The following PGAP2 variants were observed in gnomAD, a reference collection of about 807,000 sequenced individuals.
The protein encoded by PGAP2 is acyltransferase PGAP2.
PGAP2 carries 21 observed loss-of-function variants against 33.2 expected under a neutral mutation model. The ratio of observed to expected loss-of-function variants is 0.63; its 90% CI spans 0.45 to 0.91. The LOEUF is 0.91. PGAP2 is among the 40% of genes least tolerant of loss of function. PGAP2 has a pLI of 0.00. For synonymous variants in PGAP2, 161 were observed against 172.9 expected (o/e 0.93, Z 0.54); for missense variants, 345 against 424.0 (o/e 0.81, Z 1.64).
rs1395614392 is a variant in PGAP2 at position 3,798,686 on chromosome 11, C to G, written c.139+704C>G. 5.0e-5 allele frequency among the ~76,000 whole-genome samples: 7 copies of G among 139,258 alleles called. 1 individual carries two copies. The highest frequency in any genetic ancestry group is 1.9e-4 in the African/African-American group (7 of 36,674). The allele number at this position is 139,258 out of a possible 152,430, so 91.4% of individuals were successfully genotyped here. A position where few individuals can be genotyped will look rare whatever the true frequency, so the allele number is the denominator to read the frequency against. ...GTCTTGCTCTGTCTCCTCTTTCTCC[C>G]AGGCTGGAGTGCAGTGGCACGATCT... On this transcript the variant is annotated intron_variant, in intron 1 of 6. Transcript: ENST00000300730.
intron 3 of PGAP2, chr11:3,823,654 T>C: frequency 6.5e-7 from 1 of 1,545,274 alleles, no homozygotes; most frequent in Non-Finnish European, 8.7e-7. Flanking sequence ...GGTGCCACCA[T>C]GCTGCTGCAC....
upstream of PGAP2, among the ~76,000 whole-genome samples, chr11:3,807,309 GT>G (rs200578138): frequency 0.59 from 67,146 of 114,580 alleles, 21,487 homozygotes; most frequent in East Asian, 0.79. Flanking sequence ...ATTTTCACAG[GT>G]TTTTTTTTTT....
chr11:3,808,225 G>A, upstream of PGAP2: 3 of 1,530,896 alleles, frequency 2.0e-6, no homozygotes, highest in East Asian at 4.9e-5. Context: ...GGAGGTGCGA[G>A]GCAGGAGAGA....
chr11:3,800,413 G>C (rs1238068287), intron 1 of PGAP2, among the ~76,000 whole-genome samples: 1 of 152,210 alleles, frequency 6.6e-6, no homozygotes, highest in African/African-American at 2.4e-5. Flanking sequence ...ATTAGTAGAG[G>C]TGTTGGACTT....
intron 2 of PGAP2, among the ~76,000 whole-genome samples, chr11:3,815,394 C>T (rs925888031): frequency 6.6e-5 from 10 of 151,460 alleles, no homozygotes; most frequent in African/African-American, 9.7e-5. Flanking sequence ...CTGCAACCTC[C>T]GCCTCCCAGG....
upstream of PGAP2, chr11:3,808,124 T>C (rs1011007768): frequency 6.1e-6 from 9 of 1,464,008 alleles, no homozygotes; most frequent in Non-Finnish European, 6.4e-6. Context: ...CCAACCGCCC[T>C]GACGAGCAAA....
At chr11:3,806,468 T>C (rs542627714), upstream of PGAP2, among the ~76,000 whole-genome samples, 115 of 152,076 alleles carry the variant, frequency 7.6e-4, no homozygotes, top group African/African-American at 2.7e-3. Flanking sequence ...CCCCTCAGAG[T>C]GCGTCTGAGG....
chr11:3,822,035 G>A (rs534735161), intron 3 of PGAP2, among the ~76,000 whole-genome samples: 1 of 152,230 alleles, frequency 6.6e-6, no homozygotes, highest in African/African-American at 2.4e-5. Flanking sequence ...TCCAGCCTGG[G>A]CAACCGAAGT....
At chr11:3,824,157 G>T in intron 4 of PGAP2, 22 bp downstream of exon 4, 4 of 1,613,536 alleles carry the variant, frequency 2.5e-6, no homozygotes, top group Non-Finnish European at 3.4e-6. Context: ...GATGAGGGAG[G>T]AGTGGGGAAG....
chr11:3,812,556 G>A (rs922545263), intron 2 of PGAP2, among the ~76,000 whole-genome samples: 1 of 152,210 alleles, frequency 6.6e-6, no homozygotes, highest in Admixed American at 6.5e-5. Context: ...AGAAGGAGGA[G>A]GAGGAAGAGA....
Position 3,825,609 on chromosome 11 carries a change from A to C in PGAP2, c.*151A>C, listed in dbSNP as rs2089895923. On this transcript the variant is annotated 3_prime_UTR_variant, in exon 7 of 7. Transcript: ENST00000278243. ...AAGGGTGTAGGCCAAGGCTCACCCC[A>C]GTGCTGCTGGCTTCTCCTCTCCACC... 1.6e-5 allele frequency: 12 copies of C among 745,856 alleles called. No homozygotes were observed. The South Asian group carries it at 2.1e-4, about 13-fold the overall frequency. The allele number at this position is 745,856 out of a possible 1,614,324, so 46.2% of individuals were successfully genotyped here.
At chr11:3,814,806 TTCTTTC>T (rs765565067) in intron 2 of PGAP2, among the ~76,000 whole-genome samples, 9 of 127,464 alleles carry the variant, frequency 7.1e-5, no homozygotes, top group African/African-American at 1.4e-4. Flanking sequence ...CTTTCTTTCT[TTCTTTC>T]TCTTTCTTTC....
At position 3,811,292 on chromosome 11, in the gene PGAP2, T is replaced by C; in HGVS notation, c.33T>C (p.Asp11=). The change falls in exon 2 of 7, where the codon GAT becomes GAC. Residue 11 remains aspartate (D), a synonymous_variant. Coordinates refer to ENST00000278243, the MANE Select transcript of PGAP2 (RefSeq NM_014489.4). The surrounding 1 kb of genome is among the most constrained non-coding windows in gnomAD (Gnocchi z 4.6). ...AGGTCCCACTACCACTGGATCGGGA[T>C]GGGACCCTGGTACGGCTCCGCTTCA... MYQVPLPLDR[D]GTLVRLRFTM... 1 of 1,614,074 alleles carries C rather than the reference T, an allele frequency of 6.2e-7. No homozygotes were observed. Among genetic ancestry groups the C allele is most frequent in the Non-Finnish European group, 8.5e-7 (1 of 1,179,952 alleles).
chr11:3,813,554 T>C lies in PGAP2; in HGVS notation c.165+2130T>C, dbSNP rs549583379. 5.3e-5 allele frequency among the ~76,000 whole-genome samples: 8 copies of C among 152,154 alleles called. No individual in the cohort carries two copies. In the East Asian group the frequency reaches 1.5e-3, roughly 29 times the overall value. On this transcript the variant is annotated intron_variant, in intron 2 of 6. Coordinates refer to ENST00000278243, the MANE Select transcript of PGAP2 (RefSeq NM_014489.4). The stretch of plus-strand genomic sequence containing the variant: ...ATGCACAACCATGCCCAGCTAATTT[T>C]TGTGTATGTGTGTGGAGACGGGGTC...
upstream of PGAP2, among the ~76,000 whole-genome samples, chr11:3,806,879 G>A (rs112991906): frequency 1.9e-3 from 283 of 152,098 alleles, 1 homozygote; most frequent in African/African-American, 6.4e-3. Flanking sequence ...AAAATTAGCC[G>A]GGCATGGTGG....
At chr11:3,818,845 T>A (rs911586237) in intron 3 of PGAP2, among the ~76,000 whole-genome samples, 2 of 152,166 alleles carry the variant, frequency 1.3e-5, no homozygotes, top group African/African-American at 4.8e-5. Context: ...GTACAGTGAC[T>A]GTGGGGCTCA....
At chr11:3,823,572 T>A (rs1273900841) in intron 3 of PGAP2, 13 of 1,534,574 alleles carry the variant, frequency 8.5e-6, no homozygotes, top group Non-Finnish European at 1.1e-5. Flanking sequence ...GAGCTATGGG[T>A]GTAGAGCATC....
At chr11:3,813,916 G>A (rs1166951920) in intron 2 of PGAP2, among the ~76,000 whole-genome samples, 1 of 152,086 alleles carries the variant, frequency 6.6e-6, no homozygotes, top group African/African-American at 2.4e-5. Context: ...TACCTGTTCT[G>A]GGCATACCAG....
intron 2 of PGAP2, among the ~76,000 whole-genome samples, chr11:3,813,530 T>C (rs1424174965): frequency 1.3e-5 from 2 of 152,148 alleles, no homozygotes; most frequent in African/African-American, 2.4e-5. Context: ...ACAATAGGTA[T>C]GCACAACCAT....
Sources: allele counts gnomAD v4.1 joint callset (sites outside exome capture counted in the v4.1 genomes callset), GRCh38; gene constraint gnomAD v4.1.1; non-coding constraint Gnocchi (gnomAD v3.1); transcripts MANE v1.5; gene names NCBI Gene and HGNC (gene_info 2026-07-23, HGNC 2026-07-21).